Variants in MARK2 observed in about 807,000 individuals in gnomAD.
The protein encoded by MARK2 is microtubule affinity regulating kinase 2.
Under a neutral mutation model 89.8 loss-of-function variants are expected in MARK2, and 16 were observed. The ratio of observed to expected loss-of-function variants is 0.18; its 90% CI spans 0.12 to 0.27. The LOEUF (loss-of-function observed/expected upper bound fraction) is 0.27. MARK2 is among the 10% of genes least tolerant of loss of function. The probability of loss-of-function intolerance (pLI) is 1.00; values close to 1 mark genes in which losing one functional copy is unlikely to be tolerated. For missense variants in MARK2, 621 were observed against 1,049.9 expected (o/e 0.59, Z 5.65); for synonymous variants, 382 against 399.5 (o/e 0.96, Z 0.52).
chr11:63,904,735 G>A lies in MARK2; in HGVS notation c.1677-51G>A. On this transcript the variant is annotated intron_variant, in intron 15 of 18. Coordinates refer to ENST00000402010, the MANE Select transcript of MARK2 (RefSeq NM_001039469.3). This position sits in a 1 kb window ranked among gnomAD's most constrained non-coding sequence, Gnocchi z 6.3. ...CAGGGTGTCCAGGTGCCCAGTGATG[G>A]CTGTCCTGTACCCTAATTCGTCCCC... 2 of 1,574,396 alleles carry A rather than the reference G, an allele frequency of 1.3e-6. No homozygotes were observed. Among genetic ancestry groups the A allele is most frequent in the African/African-American group, 1.3e-5 (1 of 74,408 alleles).
At chr11:63,849,057 T>A (rs945926264) in intron 1 of MARK2, among the ~76,000 whole-genome samples, 1 of 152,134 alleles carries the variant, frequency 6.6e-6, no homozygotes, top group Non-Finnish European at 1.5e-5. Flanking sequence ...CAGGCTAGTA[T>A]GCAGTGGTGT....
intron 1 of MARK2, among the ~76,000 whole-genome samples, chr11:63,887,585 G>C (rs371844054): frequency 6.6e-6 from 1 of 152,228 alleles, no homozygotes; most frequent in Admixed American, 6.5e-5. Flanking sequence ...CTTCCCTAGA[G>C]GGTTAATGGC....
intron 1 of MARK2, among the ~76,000 whole-genome samples, chr11:63,841,271 C>T (rs1356578971): frequency 6.6e-6 from 1 of 152,184 alleles, no homozygotes; most frequent in Non-Finnish European, 1.5e-5. Context: ...CCCTCTGTCA[C>T]CTGGGCAGTT....
At chr11:63,883,925 T>A (rs546940029) in intron 1 of MARK2, among the ~76,000 whole-genome samples, 2 of 152,338 alleles carry the variant, frequency 1.3e-5, no homozygotes, top group Admixed American at 6.5e-5. Flanking sequence ...TTCTGTGAAA[T>A]GGGTACAGCT....
At chr11:63,852,037 A>G (rs976020244) in intron 1 of MARK2, among the ~76,000 whole-genome samples, 2 of 152,224 alleles carry the variant, frequency 1.3e-5, no homozygotes. Flanking sequence ...CACGAAGTCA[A>G]AATTCTGTTC....
intron 1 of MARK2, among the ~76,000 whole-genome samples, chr11:63,870,232 A>T (rs1206085858): frequency 2.0e-5 from 3 of 152,042 alleles, no homozygotes; most frequent in Admixed American, 6.6e-5. Flanking sequence ...GGGAATGATG[A>T]TTTATTTTGT....
rs138619062 is a variant in MARK2 at position 63,860,210 on chromosome 11, C to T, written c.54+20650C>T. 9.5e-4 allele frequency among the ~76,000 whole-genome samples: 145 copies of T among 152,244 alleles called. 2 individuals carry two copies. The highest frequency in any genetic ancestry group is 3.3e-3 in the African/African-American group (135 of 41,528). On this transcript the variant is annotated intron_variant, in intron 1 of 18. Coordinates refer to ENST00000402010, the MANE Select transcript of MARK2 (RefSeq NM_001039469.3). The stretch of plus-strand genomic sequence containing the variant: ...TTCCCTAAGTCCTACAAATAATAGA[C>T]CTTGGGCCTCCTCTAATAGTCACTT...
chr11:63,895,526 C>A (rs918470523), intron 2 of MARK2, 54 bp from the exon 3 acceptor site: 26 of 1,545,130 alleles, frequency 1.7e-5, no homozygotes, highest in Admixed American at 5.0e-5. Context: ...AGATTGGAAT[C>A]CTGGGTTTCG....
chr11:63,856,768 GTTTTTTTT>G (rs71039681), intron 1 of MARK2, among the ~76,000 whole-genome samples: 15 of 53,808 alleles, frequency 2.8e-4, no homozygotes, highest in African/African-American at 1.1e-3. Context: ...AATTTTTCAT[GTTTTTTTT>G]TTTTTTTTTT....
chr11:63,883,418 T>TAA (rs1203599640), intron 1 of MARK2, among the ~76,000 whole-genome samples: 1 of 152,140 alleles, frequency 6.6e-6, no homozygotes, highest in Non-Finnish European at 1.5e-5. Flanking sequence ...TACTGGTACT[T>TAA]ACAGTCAAAT....
At chr11:63,877,151 C>T (rs7110433) in intron 1 of MARK2, among the ~76,000 whole-genome samples, 7,907 of 123,618 alleles carry the variant, frequency 0.064, 777 homozygotes, top group African/African-American at 0.22. Flanking sequence ...GCTCTGTCAA[C>T]GAGGCTGGAG....
chr11:63,860,266 C>T (rs1195863276), intron 1 of MARK2, among the ~76,000 whole-genome samples: 2 of 152,060 alleles, frequency 1.3e-5, no homozygotes, highest in African/African-American at 4.8e-5. Context: ...TTTTAAAACT[C>T]ATGTCGGCTG....
chr11:63,882,748 C>T (rs1327181288), intron 1 of MARK2: 1 of 152,208 alleles, frequency 6.6e-6, no homozygotes, highest in African/African-American at 2.4e-5. Flanking sequence ...CACTACTATA[C>T]CATATATGGT....
rs117410363 is a variant in MARK2, at chr11:63,865,687, G to A, written c.54+26127G>A. 6.6e-5 allele frequency among the ~76,000 whole-genome samples: 10 copies of A among 152,252 alleles called. No individual in the cohort carries two copies. The East Asian group carries it at 1.7e-3, about 26-fold the overall frequency. The stretch of plus-strand genomic sequence containing the variant: ...GAGAAAAATCTCTACCTTAATTACC[G>A]ACATCTCATGCTGGCAGAGAGGTGT... On this transcript the variant is annotated intron_variant, in intron 1 of 18. Transcript: ENST00000402010.
intron 1 of MARK2, among the ~76,000 whole-genome samples, chr11:63,893,221 G>A (rs1940058087): frequency 6.7e-6 from 1 of 149,636 alleles, no homozygotes; most frequent in South Asian, 2.1e-4. Context: ...GTCTCCCTAT[G>A]TTGCCCAGGC....
intron 1 of MARK2, among the ~76,000 whole-genome samples, chr11:63,888,143 G>C (rs1939513678): frequency 1.3e-5 from 2 of 152,182 alleles, no homozygotes; most frequent in African/African-American, 4.8e-5. Flanking sequence ...AGTGGAATGT[G>C]CATGTTTCCA....
chr11:63,877,129 AGACGGAGTCTT>A (rs1938811738), intron 1 of MARK2, among the ~76,000 whole-genome samples: 2 of 68,276 alleles, frequency 2.9e-5, no homozygotes. Context: ...TTTTTTTTTG[AGACGGAGTCTT>A]GCTCTGTCAA....
At chr11:63,850,315 ATTTTTTTTTTT>A (rs34074167) in intron 1 of MARK2, among the ~76,000 whole-genome samples, 7 of 95,756 alleles carry the variant, frequency 7.3e-5, no homozygotes, top group Non-Finnish European at 9.7e-5. Context: ...TACCTGGCTA[ATTTTTTTTTTT>A]TTTTTTTTTT....
rs890258374 is a variant in MARK2, at chr11:63,909,386, C to CT, written c.*151dup. On this transcript the variant is annotated 3_prime_UTR_variant, in exon 19 of 19. Transcript: ENST00000402010. ...CCTCCCTGGCCCTTCTCAGTTTTCT[C>CT]TTACATGTTTGTGGGGGGTGGGAGA... is the stretch of plus-strand genomic sequence containing the variant. 9.1e-5 allele frequency: 75 copies of CT among 821,654 alleles called. No individual in the cohort carries two copies. In the African/African-American group the frequency reaches 1.2e-3, roughly 13 times the overall value. The allele number at this position is 821,654 out of a possible 1,614,324, so 50.9% of individuals were successfully genotyped here. A position where few individuals can be genotyped will look rare whatever the true frequency, so the allele number is the denominator to read the frequency against.
Sources: gnomAD v4.1 joint callset for allele counts (sites outside exome capture counted in the v4.1 genomes callset) on GRCh38, gnomAD v4.1.1 for gene constraint, Gnocchi (gnomAD v3.1) non-coding constraint, MANE v1.5 for transcripts, NCBI Gene and HGNC (gene_info 2026-07-23, HGNC 2026-07-21) for gene names.